LOC122539214: variants seen among roughly 807,000 people sequenced by gnomAD.
At chr19:52,682,870 C>G in the LOC122539214 span, among the ~76,000 whole-genome samples, 1 of 152,020 alleles carries the variant, frequency 6.6e-6, no homozygotes, top group Non-Finnish European at 1.5e-5. Flanking sequence ...CCTTCTCTCT[C>G]TGTCTCTCTT....
chr19:52,659,247 G>A, the LOC122539214 span, among the ~76,000 whole-genome samples: 2 of 152,074 alleles, frequency 1.3e-5, no homozygotes, highest in African/African-American at 4.8e-5. Flanking sequence ...GAGGAAAGCT[G>A]CGATGGAAGC....
At chr19:52,652,127 C>T in the LOC122539214 span, 49 of 230,904 alleles carry the variant, frequency 2.1e-4, no homozygotes, top group African/African-American at 9.5e-4. Flanking sequence ...ATGTCTAATG[C>T]GGTGTGAATG....
chr19:52,670,283 C>T, the LOC122539214 span, among the ~76,000 whole-genome samples: 1 of 152,160 alleles, frequency 6.6e-6, no homozygotes, highest in Non-Finnish European at 1.5e-5. Flanking sequence ...TCCTGCCAAA[C>T]CACTCACCTT....
chr19:52,680,676 G>C, the LOC122539214 span, among the ~76,000 whole-genome samples: 164 of 123,260 alleles, frequency 1.3e-3, no homozygotes, highest in South Asian at 2.4e-3. Context: ...GCAGTGGCGC[G>C]ATCTCGGCTC....
the LOC122539214 span, among the ~76,000 whole-genome samples, chr19:52,662,249 C>G: frequency 3.9e-5 from 6 of 152,274 alleles, no homozygotes; most frequent in Non-Finnish European, 8.8e-5. Context: ...TTGGCTAAGT[C>G]CCCAGAAGTA....
the LOC122539214 span, among the ~76,000 whole-genome samples, chr19:52,685,521 G>C: frequency 6.6e-6 from 1 of 152,116 alleles, no homozygotes; most frequent in African/African-American, 2.4e-5. Context: ...ATGCAGAAGT[G>C]TGAACACACA....
the LOC122539214 span, among the ~76,000 whole-genome samples, chr19:52,653,709 G>T: frequency 9.2e-5 from 14 of 152,074 alleles, no homozygotes; most frequent in African/African-American, 2.9e-4. Context: ...TGTGACCGAA[G>T]GTCTTGGAAC....
At chr19:52,656,351 A>G in the LOC122539214 span, among the ~76,000 whole-genome samples, 1 of 151,990 alleles carries the variant, frequency 6.6e-6, no homozygotes, top group Non-Finnish European at 1.5e-5. Context: ...GTGAAACCCC[A>G]TATCTACTAA....
the LOC122539214 span, among the ~76,000 whole-genome samples, chr19:52,685,993 C>G: frequency 1.3e-5 from 2 of 151,820 alleles, no homozygotes; most frequent in African/African-American, 4.8e-5. Context: ...TGTCCAAACG[C>G]ACCAGAGGGC....
At chr19:52,687,410 AAAT>A in the LOC122539214 span, among the ~76,000 whole-genome samples, 432 of 57,800 alleles carry the variant, frequency 7.5e-3, 171 homozygotes, top group African/African-American at 0.03. Context: ...ATAGCTATAT[AAAT>A]TATAATATAA....
chr19:52,686,406 A>C, the LOC122539214 span, among the ~76,000 whole-genome samples: 2 of 151,464 alleles, frequency 1.3e-5, no homozygotes, highest in Non-Finnish European at 2.9e-5. Context: ...AAGTATTAAA[A>C]AAGATACTCT....
chr19:52,677,485 CA>C, the LOC122539214 span, among the ~76,000 whole-genome samples: 2 of 150,650 alleles, frequency 1.3e-5, no homozygotes, highest in Non-Finnish European at 3.0e-5. Flanking sequence ...GACTCTGTCT[CA>C]AAAAGAAAAA....
At chr19:52,666,068 G>A in the LOC122539214 span, among the ~76,000 whole-genome samples, 3,371 of 151,718 alleles carry the variant, frequency 0.022, 61 homozygotes, top group Non-Finnish European at 0.037. Context: ...GAAGGGTGAG[G>A]TGGGAGAATG....
chr19:52,658,496 C>T, the LOC122539214 span, among the ~76,000 whole-genome samples: 3 of 152,042 alleles, frequency 2.0e-5, no homozygotes, highest in African/African-American at 7.3e-5. Context: ...AATCCAGAGG[C>T]AGAGGCTGGA....
the LOC122539214 span, among the ~76,000 whole-genome samples, chr19:52,665,746 C>T: frequency 3.3e-5 from 5 of 152,056 alleles, no homozygotes; most frequent in Admixed American, 6.6e-5. Context: ...TAATCCTAGC[C>T]GATAGGGGAA....
the LOC122539214 span, among the ~76,000 whole-genome samples, chr19:52,664,547 G>A: frequency 1.3e-5 from 2 of 152,076 alleles, no homozygotes; most frequent in African/African-American, 2.4e-5. Flanking sequence ...CTAGGGGCAG[G>A]GAATCTAAGG....
chr19:52,684,015 C>A, the LOC122539214 span, among the ~76,000 whole-genome samples: 1 of 152,116 alleles, frequency 6.6e-6, no homozygotes, highest in South Asian at 2.1e-4. Context: ...AGGTGGATCA[C>A]CTGAGGTCAC....
the LOC122539214 span, among the ~76,000 whole-genome samples, chr19:52,666,163 C>CA: frequency 0.66 from 67,137 of 102,030 alleles, 20,123 homozygotes; most frequent in Admixed American, 0.72. Context: ...GACTCCATCT[C>CA]AAAAAAAAAA....
the LOC122539214 span, among the ~76,000 whole-genome samples, chr19:52,684,472 C>G: frequency 6.7e-6 from 1 of 148,638 alleles, no homozygotes; most frequent in Non-Finnish European, 1.5e-5. Context: ...TCACTTGAAG[C>G]TAGGAGACAG....
Sources: allele counts gnomAD v4.1 joint callset (sites outside exome capture counted in the v4.1 genomes callset), GRCh38; gene constraint gnomAD v4.1.1; transcripts MANE v1.5.